Variants in LRRC9 observed in about 807,000 individuals in gnomAD.
The protein encoded by LRRC9 is leucine rich repeat containing 9.
A neutral mutation model predicts 63.2 loss-of-function variants in LRRC9; 122 were observed. That is an observed-to-expected ratio of 1.93 (90% CI 1.67 to 2.24). The LOEUF (loss-of-function observed/expected upper bound fraction) is 2.24, where lower values mean the gene tolerates loss of function less well. LRRC9 is among the 30% of genes most tolerant of loss of function. LRRC9 has a pLI of 0.00. For synonymous variants in LRRC9, 366 were observed against 213.1 expected (o/e 1.72, Z -6.25); for missense variants, 1,071 against 627.7 (o/e 1.71, Z -7.55).
At chr14:60,008,291 A>G in intron 23 of LRRC9, 77 bp downstream of exon 23, 2 of 554,158 alleles carry the variant, frequency 3.6e-6, no homozygotes, top group Non-Finnish European at 3.2e-6. Context: ...CATTTTGAAC[A>G]TTGCTTTATC....
chr14:60,041,411 A>G lies in LRRC9; in HGVS notation c.3990+9348A>G, dbSNP rs1288054379. On this transcript the variant is annotated intron_variant, in intron 29 of 31. Coordinates refer to ENST00000445360, the Ensembl canonical transcript of LRRC9. ...TCAGGTACACCAATCACACGTAGAT[A>G]TGGTCTTTTCACATAGTCCCATATT... Among the ~76,000 whole-genome samples the G allele has an allele frequency of 7.2e-5, 11 of 152,306 alleles. No homozygotes were observed. The East Asian group carries it at 1.5e-3, about 21-fold the overall frequency.
intron 23 of LRRC9, among the ~76,000 whole-genome samples, chr14:60,009,515 G>A (rs547871276): frequency 8.5e-5 from 13 of 152,262 alleles, no homozygotes; most frequent in Admixed American, 4.6e-4. Context: ...CTCCCATGAC[G>A]TGGGGATTAT....
chr14:60,053,876 G>A lies in LRRC9; in HGVS notation c.4131+671G>A, dbSNP rs1170252841. The A allele has an allele frequency of 6.6e-6, 3 of 452,792 alleles. No individual in the cohort carries two copies. Among genetic ancestry groups the A allele is most frequent in the Non-Finnish European group, 1.3e-5 (3 of 225,970 alleles). 28.0% of individuals were successfully genotyped at this position (452,792 alleles called of 1,614,324 possible). ...AGAAAATCTATGGTTTTTGAACAGA[G>A]AAGTAACATTATTAGAATGCTGTGG... On this transcript the variant is annotated intron_variant, in intron 30 of 31. Coordinates refer to ENST00000445360, the Ensembl canonical transcript of LRRC9. The surrounding 1 kb of genome is among the most constrained non-coding windows in gnomAD (Gnocchi z 4.8).
intron 8 of LRRC9, among the ~76,000 whole-genome samples, chr14:59,951,636 CTT>C (rs1274721330): frequency 6.8e-6 from 1 of 146,610 alleles, no homozygotes; most frequent in Non-Finnish European, 1.5e-5. Context: ...GTTTTATCTA[CTT>C]TTGGTCTTTG....
chr14:60,041,790 C>T (rs756474367), intron 29 of LRRC9, among the ~76,000 whole-genome samples: 6 of 152,180 alleles, frequency 3.9e-5, no homozygotes, highest in African/African-American at 7.2e-5. Flanking sequence ...CTGTTGCTGG[C>T]GAGGAGCTGC....
At chr14:59,992,021 G>A (rs758306094) in intron 17 of LRRC9, among the ~76,000 whole-genome samples, 6 of 152,242 alleles carry the variant, frequency 3.9e-5, no homozygotes, top group Non-Finnish European at 8.8e-5. Flanking sequence ...CTCCTCAAGT[G>A]GGTCCCTGAC....
chr14:59,952,462 G>A (rs1413914490), intron 8 of LRRC9, among the ~76,000 whole-genome samples: 1 of 152,164 alleles, frequency 6.6e-6, no homozygotes, highest in Non-Finnish European at 1.5e-5. Context: ...CCCGTCTTCT[G>A]CGTCGCTCAC....
At chr14:60,032,055 G>A in exon 29 of LRRC9, 6 of 698,998 alleles carry the variant, frequency 8.6e-6, no homozygotes, top group Non-Finnish European at 1.6e-5. Context: ...TACAGTGTAT[G>A]GCAATCCAGT....
chr14:59,927,799 G>T lies in LRRC9; in HGVS notation c.-33-112G>T, dbSNP rs1889332629. ...ACAGATACTTGGTAATATACTATGTGAAGATTTCAAACTACAGTTGGGTGG... is the reference window on the plus strand; with the variant it reads ...ACAGATACTTGGTAATATACTATGTTAAGATTTCAAACTACAGTTGGGTGG... On this transcript the variant is annotated intron_variant, in intron 1 of 31. Coordinates refer to ENST00000445360, the Ensembl canonical transcript of LRRC9. This position sits in a 1 kb window ranked among gnomAD's most constrained non-coding sequence, Gnocchi z 4.4. The T allele has an allele frequency of 2.1e-6, 1 of 487,320 alleles. No individual in the cohort carries two copies. The highest frequency in any genetic ancestry group is 3.6e-6 in the Non-Finnish European group (1 of 277,280). 30.2% of individuals were successfully genotyped at this position (487,320 alleles called of 1,614,324 possible). A position where few individuals can be genotyped will look rare whatever the true frequency, so the allele number is the denominator to read the frequency against.
chr14:60,011,812 T>G (rs2140249154), intron 23 of LRRC9, among the ~76,000 whole-genome samples: 2 of 152,256 alleles, frequency 1.3e-5, no homozygotes, highest in South Asian at 4.1e-4. Context: ...AGAATATGAA[T>G]ATAGGAAGAA....
intron 30 of LRRC9, among the ~76,000 whole-genome samples, chr14:60,055,594 T>C (rs1461491652): frequency 6.6e-6 from 1 of 152,022 alleles, no homozygotes; most frequent in Non-Finnish European, 1.5e-5. Context: ...AAGGACTAAA[T>C]CAAAAATACT....
chr14:60,018,600 G>GTT (rs5809058), intron 25 of LRRC9, 121 bp downstream of exon 25: 9,464 of 392,108 alleles, frequency 0.024, 6 homozygotes, highest in Non-Finnish European at 0.031. Flanking sequence ...TTTTCTTTGG[G>GTT]TTTTTTTTTG....
rs1894412431 is a variant in LRRC9, at chr14:60,058,053, A to C, written c.4276+31A>C. 1.9e-6 allele frequency: 1 copy of C among 534,400 alleles called. No individual in the cohort carries two copies. Among genetic ancestry groups the C allele is most frequent in the African/African-American group, 1.8e-5 (1 of 54,066 alleles). The allele number at this position is 534,400 out of a possible 1,614,324, so 33.1% of individuals were successfully genotyped here. On this transcript the variant is annotated intron_variant, in intron 31 of 31. Transcript: ENST00000445360. This position sits in a 1 kb window ranked among gnomAD's most constrained non-coding sequence, Gnocchi z 4.4. ...TTGACAATTTCAGATAGAATGTAAAAGAATCACTTAATTTGAAATAAAAAT... is the reference window on the plus strand; with the variant it reads ...TTGACAATTTCAGATAGAATGTAAACGAATCACTTAATTTGAAATAAAAAT...
In LRRC9 at chr14:60,000,588, G is replaced by C. The variant is rs1594989933; in HGVS notation, c.2529+1362G>C. On this transcript the variant is annotated intron_variant, in intron 19 of 31. Transcript: ENST00000445360. ...GACGGTGGAAACTTTATAAATAACAGAGCTGCCTTTGTAGATCAGGGAGAT... is the reference window on the plus strand; with the variant it reads ...GACGGTGGAAACTTTATAAATAACACAGCTGCCTTTGTAGATCAGGGAGAT... Among the ~76,000 whole-genome samples the C allele has an allele frequency of 2.0e-5, 3 of 152,240 alleles. No homozygotes were observed. The South Asian group carries it at 6.2e-4, about 32-fold the overall frequency.
In LRRC9 at chr14:60,027,931, C is replaced by T; in HGVS notation, c.3751C>T (p.Gln1251Ter). The change falls in exon 28 of 32, where the codon CAA (glutamine) becomes TAA (stop). Residue 1251 changes from glutamine to a stop codon, truncating the protein, a stop_gained. Transcript: ENST00000445360. LOFTEE classifies it high-confidence loss of function. The surrounding 1 kb of genome is among the most constrained non-coding windows in gnomAD (Gnocchi z 4.0). ...AGGGCTTGACAACTTAGTAGTCCTT[C>T]AAGAATTGGTAGTGGACCATAACCG... The T allele has an allele frequency of 1.4e-6, 1 of 701,548 alleles. No homozygotes were observed. The highest frequency in any genetic ancestry group is 2.6e-6 in the Non-Finnish European group (1 of 384,140). The allele number at this position is 701,548 out of a possible 1,614,324, so 43.5% of individuals were successfully genotyped here.
chr14:60,056,937 G>A (rs1894328043), intron 30 of LRRC9, among the ~76,000 whole-genome samples: 1 of 152,096 alleles, frequency 6.6e-6, no homozygotes, highest in Non-Finnish European at 1.5e-5. Context: ...AACATTTTGG[G>A]GGTTTAGTTT....
rs556912274 is a variant in LRRC9, at chr14:60,042,043, C to G, written c.3990+9980C>G. ...CAGACCCTGTTTGCCTGGGTATCACCAGCGGAGGCTGCAGAACAGCAAAGA... is the reference window on the plus strand; with the variant it reads ...CAGACCCTGTTTGCCTGGGTATCACGAGCGGAGGCTGCAGAACAGCAAAGA... On this transcript the variant is annotated intron_variant, in intron 29 of 31. Coordinates refer to ENST00000445360, the Ensembl canonical transcript of LRRC9. This position sits in a 1 kb window ranked among gnomAD's most constrained non-coding sequence, Gnocchi z 4.2. 6.6e-6 allele frequency among the ~76,000 whole-genome samples: 1 copy of G among 152,340 alleles called. No homozygotes were observed. The highest frequency in any genetic ancestry group is 2.4e-5 in the African/African-American group (1 of 41,574).
At chr14:59,981,707 G>A (rs1886947790) in intron 15 of LRRC9, 141 bp from the exon 16 acceptor site, 5 of 599,366 alleles carry the variant, frequency 8.3e-6, no homozygotes, top group Middle Eastern at 8.7e-4. Context: ...TGCTCTCATA[G>A]ATGTCCTAAT....
Position 59,927,426 on chromosome 14 carries a change from T to A in LRRC9, c.-33-485T>A, listed in dbSNP as rs879876288. Among the ~76,000 whole-genome samples the A allele has an allele frequency of 6.6e-6, 1 of 152,102 alleles. No homozygotes were observed. Among genetic ancestry groups the A allele is most frequent in the Non-Finnish European group, 1.5e-5 (1 of 67,942 alleles). ...TTATTTTAATAAACACTTATTACTA[T>A]GCCAAAAATGTTGCTAAGCCCTAAG... On this transcript the variant is annotated intron_variant, in intron 1 of 31. Transcript: ENST00000445360. This position sits in a 1 kb window ranked among gnomAD's most constrained non-coding sequence, Gnocchi z 4.4.
Sources: gnomAD v4.1 joint callset for allele counts (sites outside exome capture counted in the v4.1 genomes callset) on GRCh38, gnomAD v4.1.1 for gene constraint, Gnocchi (gnomAD v3.1) non-coding constraint, MANE v1.5 for transcripts, NCBI Gene and HGNC (gene_info 2026-07-23, HGNC 2026-07-21) for gene names.